Variants in ADAMTS12 observed in about 807,000 individuals in gnomAD.
The protein encoded by ADAMTS12 is A disintegrin and metalloproteinase with thrombospondin motifs 12.
In ADAMTS12, 118 loss-of-function variants were observed where a neutral mutation model predicts 167.8. The ratio of observed to expected loss-of-function variants is 0.70; its 90% CI spans 0.61 to 0.82. ADAMTS12 has a LOEUF of 0.82. ADAMTS12 is among the 40% of genes least tolerant of loss of function. ADAMTS12 has a pLI of 0.00. For missense variants in ADAMTS12, 1,916 were observed against 1,998.8 expected (o/e 0.96, Z 0.79); for synonymous variants, 704 against 716.9 (o/e 0.98, Z 0.29).
chr5:33,819,768 G>A (rs1747801424), intron 2 of ADAMTS12, among the ~76,000 whole-genome samples: 1 of 152,058 alleles, frequency 6.6e-6, no homozygotes, highest in Non-Finnish European at 1.5e-5. Flanking sequence ...CATCTCATCT[G>A]GGGGCCATCA....
intron 13 of ADAMTS12, among the ~76,000 whole-genome samples, 186 bp downstream of exon 13, chr5:33,630,594 C>G (rs1337387609): frequency 6.6e-6 from 1 of 152,132 alleles, no homozygotes; most frequent in African/African-American, 2.4e-5. Context: ...AAGGAAAAAA[C>G]TATTCAATCC....
chr5:33,602,020 A>G (rs1054454910), intron 16 of ADAMTS12, among the ~76,000 whole-genome samples: 2 of 152,096 alleles, frequency 1.3e-5, no homozygotes, highest in Admixed American at 1.3e-4. Context: ...GACCTCATTC[A>G]CTTAAAGAAA....
At chr5:33,702,752 T>C (rs1004634300) in intron 3 of ADAMTS12, among the ~76,000 whole-genome samples, 3 of 152,196 alleles carry the variant, frequency 2.0e-5, no homozygotes, top group Admixed American at 6.5e-5. Flanking sequence ...AGAAGGCAGG[T>C]CCAGGACAGT....
intron 3 of ADAMTS12, among the ~76,000 whole-genome samples, chr5:33,716,633 A>AT (rs1743625288): frequency 6.6e-6 from 1 of 152,120 alleles, no homozygotes; most frequent in South Asian, 2.1e-4. Flanking sequence ...ATTCAATATG[A>AT]TTTTTATCAG....
chr5:33,588,278 T>A (rs925979180), intron 18 of ADAMTS12, among the ~76,000 whole-genome samples: 12 of 152,044 alleles, frequency 7.9e-5, no homozygotes, highest in African/African-American at 2.9e-4. Context: ...AGGTCCCTTA[T>A]CTGCTACCAG....
At chr5:33,731,310 C>T (rs986999403) in intron 3 of ADAMTS12, among the ~76,000 whole-genome samples, 2 of 151,794 alleles carry the variant, frequency 1.3e-5, no homozygotes, top group Non-Finnish European at 2.9e-5. Flanking sequence ...CTCAGCCTTC[C>T]GAGTAGCTGG....
At chr5:33,540,532 C>T (rs1744644579) in intron 22 of ADAMTS12, among the ~76,000 whole-genome samples, 1 of 152,234 alleles carries the variant, frequency 6.6e-6, no homozygotes, top group Non-Finnish European at 1.5e-5. Context: ...CCTTGTGTAG[C>T]CTAACTGGAA....
chr5:33,689,102 C>T (rs1422699878), intron 3 of ADAMTS12, among the ~76,000 whole-genome samples: 1 of 152,222 alleles, frequency 6.6e-6, no homozygotes, highest in Non-Finnish European at 1.5e-5. Flanking sequence ...AACATAGACA[C>T]TAACAGCCAT....
chr5:33,591,229 C>G (rs1747623014), intron 17 of ADAMTS12, among the ~76,000 whole-genome samples: 2 of 151,918 alleles, frequency 1.3e-5, no homozygotes, highest in Non-Finnish European at 2.9e-5. Flanking sequence ...GTTAGAGACC[C>G]TTTGAACCTC....
intron 2 of ADAMTS12, among the ~76,000 whole-genome samples, chr5:33,762,225 G>A (rs1745383759): frequency 6.6e-6 from 1 of 151,084 alleles, no homozygotes; most frequent in South Asian, 2.1e-4. Context: ...AAAAATAAAA[G>A]AGGCTGGGCG....
At chr5:33,775,147 G>A (rs1042299229) in intron 2 of ADAMTS12, among the ~76,000 whole-genome samples, 3 of 152,142 alleles carry the variant, frequency 2.0e-5, no homozygotes, top group South Asian at 4.1e-4. Flanking sequence ...GTCCAAATGC[G>A]CAGAGAAGAC....
At chr5:33,587,730 G>C (rs574717957) in intron 18 of ADAMTS12, among the ~76,000 whole-genome samples, 1 of 152,206 alleles carries the variant, frequency 6.6e-6, no homozygotes, top group African/African-American at 2.4e-5. Context: ...GGGATTACAG[G>C]TGCCTGTCCA....
At chr5:33,592,019 G>A (rs1213240115) in intron 17 of ADAMTS12, among the ~76,000 whole-genome samples, 2 of 151,804 alleles carry the variant, frequency 1.3e-5, no homozygotes, top group Admixed American at 6.6e-5. Flanking sequence ...TCGGGAGTTC[G>A]AGACCAGCCT....
At chr5:33,611,385 G>A (rs1738722095) in intron 16 of ADAMTS12, among the ~76,000 whole-genome samples, 1 of 151,216 alleles carries the variant, frequency 6.6e-6, no homozygotes, top group Non-Finnish European at 1.5e-5. Flanking sequence ...AAAATGGTAA[G>A]AGCAATAAAG....
At chr5:33,683,755 A>G (rs1742217883) in intron 4 of ADAMTS12, 104 bp downstream of exon 4, 2 of 775,128 alleles carry the variant, frequency 2.6e-6, no homozygotes, top group South Asian at 4.6e-5. Flanking sequence ...ATTTATAAAA[A>G]TAAGTTAAAA....
intron 22 of ADAMTS12, among the ~76,000 whole-genome samples, chr5:33,537,385 G>C (rs746619597): frequency 4.6e-5 from 7 of 152,232 alleles, no homozygotes; most frequent in South Asian, 2.1e-4. Flanking sequence ...GGAAATTCCT[G>C]ACTGTAGGAC....
At chr5:33,614,433 T>G in intron 15 of ADAMTS12, 57 bp from the exon 16 acceptor site, 2 of 1,593,292 alleles carry the variant, frequency 1.3e-6, no homozygotes, top group Non-Finnish European at 1.7e-6. Context: ...CATAAGCCAG[T>G]CATGTAAAAA....
rs532998968 is a variant in ADAMTS12, at chr5:33,861,713, A to T, written c.489+19406T>A. Among the ~76,000 whole-genome samples, 20 of 152,344 alleles carry T rather than the reference A, an allele frequency of 1.3e-4. No individual in the cohort carries two copies. The South Asian group carries it at 4.1e-3, about 32-fold the overall frequency. On this transcript the variant is annotated intron_variant, in intron 2 of 23. Transcript: ENST00000504830. ...TCTACAGAACTCTCCACCCCAAATCAACAGAATACACATTCTTCTTAGCAC... is the reference window on the plus strand; with the variant it reads ...TCTACAGAACTCTCCACCCCAAATCTACAGAATACACATTCTTCTTAGCAC...
At chr5:33,563,877 T>C (rs1745868184) in intron 19 of ADAMTS12, among the ~76,000 whole-genome samples, 1 of 152,190 alleles carries the variant, frequency 6.6e-6, no homozygotes, top group Non-Finnish European at 1.5e-5. Context: ...CTAAGTCATA[T>C]AAGTTGGGCA....
Sources: gnomAD v4.1 joint callset for allele counts (sites outside exome capture counted in the v4.1 genomes callset) on GRCh38, gnomAD v4.1.1 for gene constraint, MANE v1.5 for transcripts, NCBI Gene and HGNC (gene_info 2026-07-23, HGNC 2026-07-21) for gene names.